The following ITSN2 variants were observed in gnomAD, a reference collection of about 807,000 sequenced individuals.
ITSN2 encodes the protein intersectin-2.
Under a neutral mutation model 243.7 loss-of-function variants are expected in ITSN2, and 156 were observed. The ratio of observed to expected loss-of-function variants is 0.64; its 90% confidence interval spans 0.56 to 0.73. ITSN2 has a LOEUF of 0.73. Ranked by LOEUF, ITSN2 falls within the 30% of genes least tolerant of loss-of-function variation. The pLI is 0.00. For synonymous variants in ITSN2, 703 were observed against 699.9 expected (o/e 1.00, Z -0.07); for missense variants, 1,801 against 1,996.1 (o/e 0.90, Z 1.86).
chr2:24,289,880 A>G (rs2151586575), intron 15 of ITSN2, among the ~76,000 whole-genome samples: 1 of 152,352 alleles, frequency 6.6e-6, no homozygotes, highest in Non-Finnish European at 1.5e-5. Context: ...CAGGGAAGCC[A>G]TAAGATTAGA....
intron 20 of ITSN2, among the ~76,000 whole-genome samples, chr2:24,266,862 G>A (rs779755140): frequency 5.9e-5 from 9 of 151,886 alleles, no homozygotes; most frequent in African/African-American, 1.7e-4. Flanking sequence ...GCGTGAGCTC[G>A]GGTGGTCGAG....
intron 13 of ITSN2, among the ~76,000 whole-genome samples, chr2:24,298,148 C>T (rs528694253): frequency 5.1e-4 from 77 of 151,836 alleles, no homozygotes; most frequent in Non-Finnish European, 8.7e-4. Flanking sequence ...CCACCCACCA[C>T]GGCCAGCTAA....
Position 24,329,421 on chromosome 2 carries a change from G to A in ITSN2, c.-33-1306C>T, listed in dbSNP as rs541496340. On this transcript the variant is annotated intron_variant, in intron 1 of 39. Transcript: ENST00000355123. ...TCTACAGGCGCACATCACCATGCCC[G>A]GCTAATTTTTGTTTGTTTGTTTGTT... Among the ~76,000 whole-genome samples the A allele has an allele frequency of 9.2e-5, 14 of 152,126 alleles. No homozygotes were observed. In the South Asian group the frequency reaches 2.7e-3, roughly 29 times the overall value.
intron 3 of ITSN2, among the ~76,000 whole-genome samples, chr2:24,314,180 C>T (rs766181950): frequency 6.6e-6 from 1 of 152,152 alleles, no homozygotes; most frequent in Non-Finnish European, 1.5e-5. Flanking sequence ...CTAAAGGAAA[C>T]AGAAAGATAG....
rs754446445 is a variant in ITSN2, at chr2:24,204,315, G to T, written c.4866C>A (p.Phe1622Leu). The T allele has an allele frequency of 6.2e-7, 1 of 1,614,168 alleles. No homozygotes were observed. The highest frequency in any genetic ancestry group is 8.5e-7 in the Non-Finnish European group (1 of 1,180,004). Residue 1622 changes from phenylalanine to leucine, a missense_variant, in exon 39 of 40, where the codon TTC (phenylalanine) becomes TTA (leucine). Physicochemically the swap from Phe to Leu is conservative, Grantham distance 22. This residue lies in a region of ITSN2 where 928 missense variants were observed against 1,065.4 expected (regional missense o/e 0.87). Coordinates refer to ENST00000355123, the MANE Select transcript of ITSN2 (RefSeq NM_006277.3). This position sits in a 1 kb window ranked among gnomAD's most constrained non-coding sequence, Gnocchi z 5.1. ...LNPKWNFNCQFFIKDLYQDVL... is the reference protein window; with the variant it reads ...LNPKWNFNCQLFIKDLYQDVL... Reference sequence around the variant, plus strand: ...CGTCTTGGTAGAGATCCTTAATAAAGAACTGGCAGTTAAAATTCCACTTGG... The same window carrying T: ...CGTCTTGGTAGAGATCCTTAATAAATAACTGGCAGTTAAAATTCCACTTGG...
intron 37 of ITSN2, among the ~76,000 whole-genome samples, chr2:24,206,509 G>C (rs940646848): frequency 4.6e-5 from 7 of 152,022 alleles, no homozygotes; most frequent in African/African-American, 1.7e-4. Flanking sequence ...GTTGGGGCCT[G>C]GCATTCATGT....
At chr2:24,293,530 T>A (rs936912615) in intron 15 of ITSN2, 158 bp downstream of exon 15, 1 of 405,376 alleles carries the variant, frequency 2.5e-6, no homozygotes, top group African/African-American at 2.1e-5. Flanking sequence ...TGCTCTAACA[T>A]CTGGGATATT....
chr2:24,272,846 G>C (rs1677538439), intron 18 of ITSN2, among the ~76,000 whole-genome samples: 2 of 152,144 alleles, frequency 1.3e-5, no homozygotes. Flanking sequence ...ATCTAACACA[G>C]CTACAGTTTG....
intron 32 of ITSN2, among the ~76,000 whole-genome samples, chr2:24,213,292 C>T (rs1287730966): frequency 2.0e-5 from 3 of 152,208 alleles, no homozygotes; most frequent in African/African-American, 4.8e-5. Flanking sequence ...GGAGAGGCAT[C>T]GTGTTGCAGT....
At chr2:24,330,143 G>C (rs1199876529) in intron 1 of ITSN2, among the ~76,000 whole-genome samples, 2 of 152,260 alleles carry the variant, frequency 1.3e-5, no homozygotes, top group East Asian at 1.9e-4. Context: ...TATAAAGATG[G>C]CTCTAACAAC....
At chr2:24,210,614 CAA>C (rs950984341) in intron 34 of ITSN2, among the ~76,000 whole-genome samples, 164 bp downstream of exon 34, 2 of 53,978 alleles carry the variant, frequency 3.7e-5, no homozygotes, top group African/African-American at 8.6e-5. Context: ...GACTCCGTCT[CAA>C]AAAAAAAAAA....
At chr2:24,251,441 A>ATATATATGTG (rs1558489115) in intron 25 of ITSN2, among the ~76,000 whole-genome samples, 1 of 4,180 alleles carries the variant, frequency 2.4e-4, no homozygotes, top group African/African-American at 7.5e-4. Flanking sequence ...ATATGTGTGT[A>ATATATATGTG]TATATATGTG....
intron 16 of ITSN2, 45 bp from the exon 17 acceptor site, chr2:24,284,888 ATTTTTTTTT>A (rs138100580): frequency 2.1e-4 from 79 of 370,582 alleles, no homozygotes; most frequent in African/African-American, 2.7e-4. Context: ...TACGTACAGA[ATTTTTTTTT>A]TTTTTTTTTT....
At chr2:24,305,296 T>C (rs1258826848) in intron 8 of ITSN2, among the ~76,000 whole-genome samples, 1 of 151,710 alleles carries the variant, frequency 6.6e-6, no homozygotes, top group African/African-American at 2.4e-5. Context: ...AGAAGAGAAG[T>C]AAAAAAGGGA....
In ITSN2 at chr2:24,310,636, T is replaced by C. The variant is rs1179551780; in HGVS notation, c.409A>G (p.Ile137Val). Residue 137 changes from isoleucine to valine, a missense_variant, in exon 6 of 40, where the codon ATA becomes GTA. Ile to Val is a conservative substitution (Grantham distance 29). Transcript: ENST00000355123. The part of the protein sequence containing the change: ...IPQPLPPAAP[I>V]TSLSSATSGT... ...GAAGTCGCAGAAGACAATGATGTTA[T>C]AGGTGCAGCTGGAGGCAATGGCTGA... The C allele has an allele frequency of 1.2e-6, 2 of 1,614,052 alleles. No homozygotes were observed. The highest frequency in any genetic ancestry group is 1.7e-6 in the Non-Finnish European group (2 of 1,180,032).
chr2:24,210,424 C>T, intron 34 of ITSN2: 1 of 280,858 alleles, frequency 3.6e-6, no homozygotes, highest in Non-Finnish European at 6.7e-6. Context: ...CCAGCCTGGC[C>T]AACATGGTGA....
chr2:24,358,956 T>C (rs1347337007), intron 1 of ITSN2, among the ~76,000 whole-genome samples: 1 of 152,164 alleles, frequency 6.6e-6, no homozygotes, highest in Non-Finnish European at 1.5e-5. Context: ...GGTGAAAAAA[T>C]GCAAGCTTTT....
At chr2:24,292,800 T>C (rs1680431709) in intron 15 of ITSN2, among the ~76,000 whole-genome samples, 1 of 152,354 alleles carries the variant, frequency 6.6e-6, no homozygotes, top group South Asian at 2.1e-4. Flanking sequence ...ATCAGCTTCA[T>C]CAATAATGAG....
rs769080574 is a variant in ITSN2, at chr2:24,208,253, A to T, written c.4662T>A (p.Arg1554=). Residue 1554 remains arginine, a synonymous_variant, in exon 37 of 40, where the codon CGT becomes CGA. Coordinates refer to ENST00000355123, the MANE Select transcript of ITSN2 (RefSeq NM_006277.3). ...CCCTGATACCTTGGTAAGCTTTCTCACGCTTCTTCTTCTCGGTGTCGATGT... is the reference window on the plus strand; with the variant it reads ...CCCTGATACCTTGGTAAGCTTTCTCTCGCTTCTTCTTCTCGGTGTCGATGT... ...EQYIDTEKKK[R]EKAYQARSQK... 1.9e-6 allele frequency: 3 copies of T among 1,607,372 alleles called. No homozygotes were observed. In the African/African-American group the frequency reaches 4.1e-5, roughly 22 times the overall value.
Sources: gnomAD v4.1 joint callset for allele counts (sites outside exome capture counted in the v4.1 genomes callset) on GRCh38, gnomAD v4.1.1 for gene constraint, gnomAD v4.1.1 regional missense constraint, Gnocchi (gnomAD v3.1) non-coding constraint, MANE v1.5 for transcripts, NCBI Gene and HGNC (gene_info 2026-07-23, HGNC 2026-07-21) for gene names.